PLA2G4A: variants seen among roughly 807,000 people sequenced by gnomAD.
PLA2G4A encodes the protein cytosolic phospholipase A2.
In PLA2G4A, 40 loss-of-function variants were observed where a neutral mutation model predicts 81.9. That is an observed-to-expected ratio of 0.49 (90% CI 0.38 to 0.64). The LOEUF (loss-of-function observed/expected upper bound fraction) is 0.64, where lower values mean the gene tolerates loss of function less well. Ranked by LOEUF, PLA2G4A falls within the 30% of genes least tolerant of loss-of-function variation. PLA2G4A has a pLI of 0.00. For missense variants in PLA2G4A, 715 were observed against 905.1 expected (o/e 0.79, Z 2.69); for synonymous variants, 302 against 296.9 (o/e 1.02, Z -0.18).
intron 12 of PLA2G4A, among the ~76,000 whole-genome samples, chr1:186,949,463 A>C (rs1656473232): frequency 6.6e-6 from 1 of 152,056 alleles, no homozygotes; most frequent in African/African-American, 2.4e-5. Flanking sequence ...AAAGAAAATA[A>C]ATGTAGGACT....
At chr1:186,959,856 CATTA>C (rs1199366831) in intron 14 of PLA2G4A, among the ~76,000 whole-genome samples, 1 of 152,056 alleles carries the variant, frequency 6.6e-6, no homozygotes, top group Non-Finnish European at 1.5e-5. Context: ...TTATTTAAAA[CATTA>C]ATTAAGCACA....
intron 12 of PLA2G4A, among the ~76,000 whole-genome samples, chr1:186,950,017 C>T (rs1656500533): frequency 6.6e-6 from 1 of 152,020 alleles, no homozygotes; most frequent in Non-Finnish European, 1.5e-5. Flanking sequence ...CCTGGGTAAC[C>T]ATTTAAAAAA....
chr1:186,908,963 CTTTTCTT>C (rs1654836743), intron 6 of PLA2G4A, among the ~76,000 whole-genome samples: 2 of 113,314 alleles, frequency 1.8e-5, no homozygotes, highest in Non-Finnish European at 3.7e-5. Flanking sequence ...AATTTCTTTT[CTTTTCTT>C]TTTTTTTTTT....
intron 8 of PLA2G4A, among the ~76,000 whole-genome samples, chr1:186,934,818 T>C (rs1655882784): frequency 6.6e-6 from 1 of 151,946 alleles, no homozygotes; most frequent in Non-Finnish European, 1.5e-5. Context: ...CCTTTTCAGT[T>C]TTATTTCATC....
chr1:186,851,446 T>A (rs1652368162), intron 1 of PLA2G4A, among the ~76,000 whole-genome samples: 1 of 152,022 alleles, frequency 6.6e-6, no homozygotes, highest in Admixed American at 6.6e-5. Flanking sequence ...GGTGATTTTA[T>A]GTTATATCAT....
chr1:186,927,106 C>G (rs1655575786), intron 7 of PLA2G4A, among the ~76,000 whole-genome samples: 1 of 152,188 alleles, frequency 6.6e-6, no homozygotes, highest in Non-Finnish European at 1.5e-5. Context: ...CTTGCTCAGA[C>G]TGAACCAATT....
intron 12 of PLA2G4A, among the ~76,000 whole-genome samples, chr1:186,949,676 T>G (rs1387789583): frequency 6.6e-6 from 1 of 152,104 alleles, no homozygotes; most frequent in Admixed American, 6.6e-5. Context: ...CTTAAGCATT[T>G]ATTAACCCTT....
At chr1:186,968,131 C>T (rs2102280414) in intron 15 of PLA2G4A, among the ~76,000 whole-genome samples, 1 of 152,008 alleles carries the variant, frequency 6.6e-6, no homozygotes, top group South Asian at 2.1e-4. Flanking sequence ...TTCATTTCAC[C>T]AATGGGGGTA....
At chr1:186,858,790 C>T (rs1652687518) in intron 2 of PLA2G4A, among the ~76,000 whole-genome samples, 1 of 152,022 alleles carries the variant, frequency 6.6e-6, no homozygotes, top group Admixed American at 6.6e-5. Flanking sequence ...CAACATCAGG[C>T]TTAGACAGCA....
intron 1 of PLA2G4A, 52 bp downstream of exon 1, chr1:186,829,087 T>G (rs1454142620): frequency 6.6e-6 from 1 of 152,196 alleles, no homozygotes; most frequent in Admixed American, 6.5e-5. Context: ...GCTCCACTTC[T>G]CTCTCCCACC....
chr1:186,903,903 A>G (rs572303950), intron 5 of PLA2G4A, among the ~76,000 whole-genome samples: 10 of 152,340 alleles, frequency 6.6e-5, no homozygotes, highest in Non-Finnish European at 1.5e-4. Context: ...ATTGTCTTCC[A>G]CAAAACCGGT....
chr1:186,847,357 CGT>C (rs34724808), intron 1 of PLA2G4A, among the ~76,000 whole-genome samples: 12,870 of 146,122 alleles, frequency 0.088, 591 homozygotes, highest in Middle Eastern at 0.17. Flanking sequence ...TTATTTCATA[CGT>C]GTGTGTGTGT....
At chr1:186,954,201 T>C (rs539496839) in intron 13 of PLA2G4A, among the ~76,000 whole-genome samples, 3 of 152,276 alleles carry the variant, frequency 2.0e-5, no homozygotes, top group East Asian at 3.9e-4. Context: ...CAAATGTCCA[T>C]TGTGGTAGAC....
At chr1:186,892,484 T>C (rs148484913) in intron 3 of PLA2G4A, among the ~76,000 whole-genome samples, 4 of 152,300 alleles carry the variant, frequency 2.6e-5, no homozygotes, top group Non-Finnish European at 5.9e-5. Context: ...TGGCAAGAGA[T>C]AGGAGTCTAG....
intron 3 of PLA2G4A, among the ~76,000 whole-genome samples, chr1:186,879,234 A>G (rs1028366092): frequency 3.9e-5 from 6 of 152,034 alleles, no homozygotes; most frequent in Non-Finnish European, 7.4e-5. Context: ...TAGTTGATGT[A>G]TAAGAATAAT....
At chr1:186,975,522 ACATTTTAT>A (rs1201604317) in intron 15 of PLA2G4A, among the ~76,000 whole-genome samples, 4 of 152,236 alleles carry the variant, frequency 2.6e-5, no homozygotes, top group Non-Finnish European at 5.9e-5. Flanking sequence ...AGGTCTTTAT[ACATTTTAT>A]CATTTAATCC....
chr1:186,977,893 T>C (rs1385139282), intron 16 of PLA2G4A, 105 bp downstream of exon 16: 1 of 801,900 alleles, frequency 1.2e-6, no homozygotes. Flanking sequence ...TATTACACTA[T>C]TGAATGCTTC....
intron 1 of PLA2G4A, among the ~76,000 whole-genome samples, chr1:186,834,597 C>T (rs1022075729): frequency 6.6e-6 from 1 of 152,006 alleles, no homozygotes; most frequent in Non-Finnish European, 1.5e-5. Flanking sequence ...GCCCTTATAA[C>T]TTGATTACTG....
At chr1:186,883,280 A>C (rs1653803703) in intron 3 of PLA2G4A, among the ~76,000 whole-genome samples, 1 of 152,100 alleles carries the variant, frequency 6.6e-6, no homozygotes, top group African/African-American at 2.4e-5. Context: ...TATATTACTT[A>C]AGAATAGATT....
Sources: allele counts gnomAD v4.1 joint callset (sites outside exome capture counted in the v4.1 genomes callset), GRCh38; gene constraint gnomAD v4.1.1; transcripts MANE v1.5; gene names NCBI Gene and HGNC (gene_info 2026-07-23, HGNC 2026-07-21).